Variants in MDM4 observed in about 807,000 individuals in gnomAD.
MDM4 encodes protein Mdm4.
Under a neutral mutation model 60.2 loss-of-function variants are expected in MDM4, and 2 were observed. That is an observed-to-expected ratio of 0.03 (90% CI 0.01 to 0.10). The LOEUF is 0.10. Among genes scored for constraint, MDM4 ranks in the 10% least tolerant of loss-of-function variants. The probability of loss-of-function intolerance (pLI) is 1.00; values close to 1 mark genes in which losing one functional copy is unlikely to be tolerated. For missense variants in MDM4, 447 were observed against 577.5 expected, an observed-to-expected ratio of 0.77 and a Z score of 2.32; for synonymous variants, 202 against 198.1, an observed-to-expected ratio of 1.02 and a Z score of -0.17.
intron 2 of MDM4, among the ~76,000 whole-genome samples, chr1:204,525,946 T>TA (rs929489774): frequency 7.2e-4 from 109 of 151,854 alleles, no homozygotes; most frequent in African/African-American, 2.5e-3. Context: ...GTCTCTTTTT[T>TA]AAAAAAAGTA....
intron 2 of MDM4, among the ~76,000 whole-genome samples, chr1:204,526,088 CT>C (rs1660108008): frequency 6.6e-6 from 1 of 152,050 alleles, no homozygotes; most frequent in African/African-American, 2.4e-5. Flanking sequence ...AACCCCCTCT[CT>C]ACAAAAAAAT....
At chr1:204,519,328 C>T (rs923914202) in intron 1 of MDM4, among the ~76,000 whole-genome samples, 7 of 152,002 alleles carry the variant, frequency 4.6e-5, no homozygotes, top group African/African-American at 1.5e-4. Flanking sequence ...AAAAAGAAAC[C>T]GCGTCTCTAC....
chr1:204,541,235 C>G (rs2102411983), intron 7 of MDM4, among the ~76,000 whole-genome samples: 1 of 152,132 alleles, frequency 6.6e-6, no homozygotes, highest in South Asian at 2.1e-4. Context: ...GAGGCAGGGG[C>G]ATTACTTGAG....
intron 6 of MDM4, chr1:204,537,854 C>T: frequency 3.0e-6 from 2 of 661,274 alleles, no homozygotes; most frequent in Non-Finnish European, 2.9e-6. Context: ...CTTCCCCAAA[C>T]CTGGGGAAAC....
At chr1:204,529,500 C>T in intron 3 of MDM4, 1 of 1,517,752 alleles carries the variant, frequency 6.6e-7, no homozygotes, top group Non-Finnish European at 8.9e-7. Context: ...ATTGAGGTGT[C>T]CATAGGGCCC....
chr1:204,523,339 C>T (rs1415384646), intron 1 of MDM4, among the ~76,000 whole-genome samples: 5 of 149,216 alleles, frequency 3.4e-5, no homozygotes, highest in East Asian at 4.1e-4. Context: ...TGGTGGTGGG[C>T]GCCTGTAGTC....
intron 1 of MDM4, 63 bp from the exon 2 acceptor site, chr1:204,525,421 T>G: frequency 6.7e-7 from 1 of 1,492,670 alleles, no homozygotes; most frequent in Middle Eastern, 1.8e-4. Context: ...TGCCTTTGTG[T>G]GAATGCTAAA....
At chr1:204,536,459 A>T (rs1173463080) in intron 5 of MDM4, among the ~76,000 whole-genome samples, 1 of 152,148 alleles carries the variant, frequency 6.6e-6, no homozygotes, top group Non-Finnish European at 1.5e-5. Context: ...CAGTTGTAGG[A>T]TCTGTATCCT....
chr1:204,532,505 A>G (rs947374163), intron 5 of MDM4: 18 of 553,930 alleles, frequency 3.2e-5, no homozygotes, highest in African/African-American at 3.1e-4. Flanking sequence ...ACTTTTAAAA[A>G]TCTCTAGCAG....
intron 2 of MDM4, 116 bp from the exon 3 acceptor site, chr1:204,526,244 A>G: frequency 1.2e-6 from 1 of 803,280 alleles, no homozygotes; most frequent in Non-Finnish European, 2.1e-6. Context: ...CGACAGAGCA[A>G]GACCTTGCCT....
Position 204,542,957 on chromosome 1 carries a change from T to C in MDM4, c.672+13T>C. ...ACAGACAAATCAGGTAAATTTCACA[T>C]TTGAAGGGAAGTGGTTTTTTTTCTT... On this transcript the variant is annotated intron_variant, in intron 8 of 10. Coordinates refer to ENST00000367182, the MANE Select transcript of MDM4 (RefSeq NM_002393.5). 1.2e-6 allele frequency: 2 copies of C among 1,603,594 alleles called. No homozygotes were observed. The highest frequency in any genetic ancestry group is 1.7e-6 in the Non-Finnish European group (2 of 1,175,434).
chr1:204,554,309 T>C lies in MDM4; in HGVS notation c.*4627T>C, dbSNP rs1444550883. On this transcript the variant is annotated 3_prime_UTR_variant, in exon 11 of 11. Transcript: ENST00000367182. ...TATATGGCTTTAGATACTGTGAATC[T>C]GTTTTCCATTTAGTCAGTTATCTGC... 8 of 225,736 alleles carry C rather than the reference T, an allele frequency of 3.5e-5. No individual in the cohort carries two copies. Among genetic ancestry groups the C allele is most frequent in the Non-Finnish European group, 7.0e-5 (8 of 113,604 alleles). The allele number at this position is 225,736 out of a possible 1,614,324, so 14.0% of individuals were successfully genotyped here.
intron 3 of MDM4, chr1:204,528,885 C>T: frequency 6.3e-7 from 1 of 1,593,772 alleles, no homozygotes; most frequent in Non-Finnish European, 8.6e-7. Context: ...GTCCTTGAAG[C>T]TGAGCCGAAT....
At chr1:204,527,170 G>A (rs532617310) in intron 3 of MDM4, among the ~76,000 whole-genome samples, 21 of 151,420 alleles carry the variant, frequency 1.4e-4, no homozygotes, top group Admixed American at 4.0e-4. Context: ...CGGGCATGGT[G>A]GTCTGCTCGT....
At chr1:204,542,431 G>T (rs1318546238) in intron 7 of MDM4, among the ~76,000 whole-genome samples, 1 of 152,180 alleles carries the variant, frequency 6.6e-6, no homozygotes, top group Non-Finnish European at 1.5e-5. Flanking sequence ...CATGGTAGGA[G>T]TGTTTAAAAT....
chr1:204,537,380 G>C (rs1407078749), intron 5 of MDM4, 50 bp from the exon 6 acceptor site: 1 of 1,444,944 alleles, frequency 6.9e-7, no homozygotes, highest in Non-Finnish European at 9.7e-7. Context: ...TGTGTGGAAA[G>C]AATGGTTATT....
At chr1:204,534,538 A>G (rs748926560) in intron 5 of MDM4, among the ~76,000 whole-genome samples, 2 of 152,186 alleles carry the variant, frequency 1.3e-5, no homozygotes, top group Non-Finnish European at 2.9e-5. Flanking sequence ...CTCAGGCTAG[A>G]GTGCAGTGGC....
At chr1:204,535,616 C>T (rs1661330763) in intron 5 of MDM4, among the ~76,000 whole-genome samples, 1 of 151,934 alleles carries the variant, frequency 6.6e-6, no homozygotes, top group African/African-American at 2.4e-5. Flanking sequence ...TCACTGCAAC[C>T]TCTGCCTCCT....
At chr1:204,548,289 T>C (rs1167999836) in intron 10 of MDM4, among the ~76,000 whole-genome samples, 1 of 152,234 alleles carries the variant, frequency 6.6e-6, no homozygotes, top group African/African-American at 2.4e-5. Flanking sequence ...TGAGGCCATC[T>C]GGAATCCCAG....
Sources: allele counts gnomAD v4.1 joint callset (sites outside exome capture counted in the v4.1 genomes callset), GRCh38; gene constraint gnomAD v4.1.1; transcripts MANE v1.5; gene names NCBI Gene and HGNC (gene_info 2026-07-23, HGNC 2026-07-21).